The following EXD2 variants were observed in gnomAD, a reference collection of about 807,000 sequenced individuals.
The protein encoded by EXD2 is exonuclease 3'-5' domain containing 2.
Under a neutral mutation model 62.5 loss-of-function variants are expected in EXD2, and 40 were observed. The ratio of observed to expected loss-of-function variants is 0.64; its 90% CI spans 0.50 to 0.83. The LOEUF is 0.83. EXD2 is among the 40% of genes least tolerant of loss of function. The pLI is 0.00. For missense variants in EXD2, 671 were observed against 761.8 expected, an observed-to-expected ratio of 0.88 and a Z score of 1.40; for synonymous variants, 239 against 291.9, an observed-to-expected ratio of 0.82 and a Z score of 1.85.
chr14:69,193,492 AT>A (rs1180606920), intron 1 of EXD2, among the ~76,000 whole-genome samples: 1 of 152,020 alleles, frequency 6.6e-6, no homozygotes, highest in Non-Finnish European at 1.5e-5. Flanking sequence ...CATCTTCATG[AT>A]TGTCAGCCAT....
chr14:69,240,972 A>G lies in EXD2; in HGVS notation c.1738A>G (p.Ser580Gly), dbSNP rs781476497. The change falls in exon 10 of 10, where the codon AGC (serine) becomes GGC (glycine). Residue 580 changes from serine (S) to glycine (G), a missense_variant. Physicochemically the swap from Ser to Gly is moderately conservative, Grantham distance 56. Coordinates refer to ENST00000685843, the MANE Select transcript of EXD2 (RefSeq NM_001193360.2). ...CCTGCGCTCCCTCATGCAGCTGGAGAGCCGCTGGCGTCAGCACTTCCTGGA... is the reference window on the plus strand; with the variant it reads ...CCTGCGCTCCCTCATGCAGCTGGAGGGCCGCTGGCGTCAGCACTTCCTGGA... ...GGLRSLMQLE[S>G]RWRQHFLDSM... is the part of the protein sequence containing the mutation. 1.7e-5 allele frequency: 27 copies of G among 1,613,270 alleles called. No homozygotes were observed. In the East Asian group the frequency reaches 5.8e-4, roughly 35 times the overall value.
At chr14:69,202,057 G>A (rs2042426416) in intron 1 of EXD2, among the ~76,000 whole-genome samples, 1 of 152,114 alleles carries the variant, frequency 6.6e-6, no homozygotes. Context: ...TTGGGAGGTT[G>A]ATGTGGGCAG....
rs1362433487 is a variant in EXD2 at position 69,216,294 on chromosome 14, G to A, written c.333+6491G>A. On this transcript the variant is annotated intron_variant, in intron 3 of 9. Coordinates refer to ENST00000685843, the MANE Select transcript of EXD2 (RefSeq NM_001193360.2). ...TAGATCTGTTTTTGTCTTCTTGATTGTCTAATTTTCTGTTGTTGCACCAAT... is the reference window on the plus strand; with the variant it reads ...TAGATCTGTTTTTGTCTTCTTGATTATCTAATTTTCTGTTGTTGCACCAAT... 3.3e-5 allele frequency among the ~76,000 whole-genome samples: 5 copies of A among 152,156 alleles called. No individual in the cohort carries two copies. In the South Asian group the frequency reaches 1.0e-3, roughly 32 times the overall value.
At chr14:69,228,751 A>C (rs2043460323) in intron 3 of EXD2, 65 bp from the exon 4 acceptor site, 2 of 1,540,248 alleles carry the variant, frequency 1.3e-6, no homozygotes, top group Non-Finnish European at 1.8e-6. Flanking sequence ...TTTTTGTCAC[A>C]GTTATATGTT....
At position 69,241,323 on chromosome 14, in the gene EXD2, T is replaced by A. The variant is rs2043978018; in HGVS notation, c.*223T>A. ...CGGGCAGGGTCTTTTTTCCTCTCAT[T>A]TTTGTGGACAAGAGAGGCCTTCGCC... On this transcript the variant is annotated 3_prime_UTR_variant, in exon 10 of 10. Coordinates refer to ENST00000685843, the MANE Select transcript of EXD2 (RefSeq NM_001193360.2). The A allele has an allele frequency of 2.0e-6, 1 of 507,718 alleles. No homozygotes were observed. The allele number at this position is 507,718 out of a possible 1,614,324, so 31.5% of individuals were successfully genotyped here. A position where few individuals can be genotyped will look rare whatever the true frequency, so the allele number is the denominator to read the frequency against.
chr14:69,208,521 C>G (rs1255081274), intron 2 of EXD2, among the ~76,000 whole-genome samples: 1 of 152,180 alleles, frequency 6.6e-6, no homozygotes, highest in African/African-American at 2.4e-5. Flanking sequence ...AGGCCACTTA[C>G]TATTTACTGT....
At chr14:69,222,511 C>T (rs754116585) in intron 3 of EXD2, among the ~76,000 whole-genome samples, 1 of 152,212 alleles carries the variant, frequency 6.6e-6, no homozygotes, top group African/African-American at 2.4e-5. Context: ...AAGCATCACA[C>T]TCACATTCTT....
At chr14:69,213,401 G>C (rs1483226473) in intron 3 of EXD2, among the ~76,000 whole-genome samples, 1 of 129,808 alleles carries the variant, frequency 7.7e-6, no homozygotes, top group Non-Finnish European at 1.6e-5. Context: ...TTTTTTTTAA[G>C]AGATGAGGTC....
chr14:69,209,550 G>C lies in EXD2; in HGVS notation c.80G>C (p.Gly27Ala). 1 of 1,550,560 alleles carries C rather than the reference G, an allele frequency of 6.4e-7. No homozygotes were observed. The highest frequency in any genetic ancestry group is 8.7e-7 in the Non-Finnish European group (1 of 1,146,990). ...GTAGGGGGGTTTGTCCTCTGGAAAG[G>C]CATCCAGCGCCGCCGAAGGAGTAAA... ...VAVGGFVLWK[G>A]IQRRRRSKTS... is the part of the protein sequence containing the mutation. The change falls in exon 3 of 10, where the codon GGC (glycine) becomes GCC (alanine). Residue 27 changes from glycine (G) to alanine (A), a missense_variant. Gly to Ala is a moderately conservative substitution (Grantham distance 60). Coordinates refer to ENST00000685843, the MANE Select transcript of EXD2 (RefSeq NM_001193360.2).
chr14:69,202,125 T>TAGC (rs1319129327), intron 1 of EXD2, among the ~76,000 whole-genome samples: 1 of 152,114 alleles, frequency 6.6e-6, no homozygotes, highest in Non-Finnish European at 1.5e-5. Flanking sequence ...ACCCCGTTTC[T>TAGC]ACCAAAAATA....
In EXD2 at chr14:69,237,805, C is replaced by T; in HGVS notation, c.1523C>T (p.Ala508Val). ...ERRQVRSGAR[A>V]LLNAESLPTQ... ...CGGCAGGTGCGTTCTGGGGCCAGGG[C>T]CCTGCTCAACGCGGAGAGCCTGCCT... Residue 508 changes from alanine to valine, a missense_variant, in exon 9 of 10, where the codon GCC becomes GTC. By Grantham distance (64) the Ala-to-Val change is moderately conservative. Coordinates refer to ENST00000685843, the MANE Select transcript of EXD2 (RefSeq NM_001193360.2). The T allele has an allele frequency of 1.9e-6, 3 of 1,613,678 alleles. No individual in the cohort carries two copies. The highest frequency in any genetic ancestry group is 1.7e-5 in the Admixed American group (1 of 59,840).
At chr14:69,220,455 A>G (rs2043146241) in intron 3 of EXD2, among the ~76,000 whole-genome samples, 1 of 146,144 alleles carries the variant, frequency 6.8e-6, no homozygotes, top group Non-Finnish European at 1.5e-5. Flanking sequence ...TATTTTTAGT[A>G]GAGACGGGGT....
intron 2 of EXD2, among the ~76,000 whole-genome samples, chr14:69,206,780 C>A (rs1333333471): frequency 6.6e-6 from 1 of 152,210 alleles, no homozygotes; most frequent in Admixed American, 6.5e-5. Context: ...CTGCGCCCAG[C>A]CTTCCACCCA....
rs1448882428 is a variant in EXD2 at position 69,234,758 on chromosome 14, G to C, written c.776G>C (p.Gly259Ala). The C allele has an allele frequency of 3.1e-6, 5 of 1,613,942 alleles. No homozygotes were observed. The highest frequency in any genetic ancestry group is 4.2e-6 in the Non-Finnish European group (5 of 1,180,050). The change falls in exon 6 of 10, where the codon GGA (glycine) becomes GCA (alanine). Residue 259 changes from glycine to alanine, a missense_variant. Transcript: ENST00000685843. ...GTGGCTCTCTTTCTTCATCTTCTTG[G>C]ATACCCTTTCTCTAGGAATTCACCT... Reference protein sequence around the residue: ...ISVALFLHLLGYPFSRNSPGE... With the variant: ...ISVALFLHLLAYPFSRNSPGE...
Position 69,234,803 on chromosome 14 carries a change from A to G in EXD2, c.821A>G (p.His274Arg), listed in dbSNP as rs754947748. 6.2e-7 allele frequency: 1 copy of G among 1,614,168 alleles called. No individual in the cohort carries two copies. Residue 274 changes from histidine to arginine, a missense_variant, in exon 6 of 10, where the codon CAC becomes CGC. Physicochemically the swap from His to Arg is conservative, Grantham distance 29 (BLOSUM62 0). Coordinates refer to ENST00000685843, the MANE Select transcript of EXD2 (RefSeq NM_001193360.2). ...TCACCTGGAGAAAAAAACGATGACC[A>G]CAGTAGCTGGAGAAAAGTCTTGGAA... ...RNSPGEKNDD[H>R]SSWRKVLEKC...
At chr14:69,218,590 G>C (rs2043064173) in intron 3 of EXD2, among the ~76,000 whole-genome samples, 2 of 152,162 alleles carry the variant, frequency 1.3e-5, no homozygotes, top group Admixed American at 1.3e-4. Flanking sequence ...TTTTAGACAT[G>C]AAGTCCTTGC....
At chr14:69,240,854 T>C in intron 9 of EXD2, 30 bp from the exon 10 acceptor site, 1 of 1,601,372 alleles carries the variant, frequency 6.2e-7, no homozygotes, top group African/African-American at 1.3e-5. Flanking sequence ...CTTGTTTCCC[T>C]CAGACACTTT....
At chr14:69,223,600 CTG>C (rs1317568222) in intron 3 of EXD2, among the ~76,000 whole-genome samples, 2 of 152,136 alleles carry the variant, frequency 1.3e-5, no homozygotes, top group Non-Finnish European at 2.9e-5. Context: ...TGAGGTATAA[CTG>C]TGGATAAATC....
At chr14:69,206,995 A>G (rs2042626932) in intron 2 of EXD2, among the ~76,000 whole-genome samples, 1 of 152,240 alleles carries the variant, frequency 6.6e-6, no homozygotes, top group Admixed American at 6.5e-5. Flanking sequence ...ATTAAGCTTC[A>G]GTTTCCTCTT....
Sources: gnomAD v4.1 joint callset for allele counts (sites outside exome capture counted in the v4.1 genomes callset) on GRCh38, gnomAD v4.1.1 for gene constraint, MANE v1.5 for transcripts, NCBI Gene and HGNC (gene_info 2026-07-23, HGNC 2026-07-21) for gene names.